Variants in N4BP2L2 observed in about 807,000 individuals in gnomAD.
N4BP2L2 encodes NEDD4 binding protein 2 like 2.
In N4BP2L2, 50 loss-of-function variants were observed where a neutral mutation model predicts 56.2. The observed-to-expected ratio is 0.89, with a 90% CI of 0.71 to 1.13. The LOEUF is 1.13. Among genes scored for constraint, N4BP2L2 ranks in the 50% most tolerant of loss-of-function variants. The pLI, the probability that N4BP2L2 is intolerant of heterozygous loss-of-function variation, is 0.00. For synonymous variants in N4BP2L2, 203 were observed against 223.6 expected (o/e 0.91, Z 0.82); for missense variants, 689 against 693.8 (o/e 0.99, Z 0.08).
intron 6 of N4BP2L2, among the ~76,000 whole-genome samples, chr13:32,497,304 T>G (rs374315130): frequency 6.6e-6 from 1 of 152,214 alleles, no homozygotes; most frequent in African/African-American, 2.4e-5. Flanking sequence ...GGTACTCTCA[T>G]GTACTAACTG....
At chr13:32,450,564 T>C (rs1364802053) in intron 6 of N4BP2L2, among the ~76,000 whole-genome samples, 1 of 152,046 alleles carries the variant, frequency 6.6e-6, no homozygotes, top group East Asian at 1.9e-4. Flanking sequence ...GACCTTGTGA[T>C]CTGCCCGCCT....
exon 2 of N4BP2L2, chr13:32,536,690 T>C (rs1223797884): frequency 6.2e-7 from 1 of 1,614,172 alleles, no homozygotes; most frequent in Admixed American, 1.7e-5. Flanking sequence ...TATCTCATCG[T>C]CTGCGGATAC....
exon 7 of N4BP2L2, chr13:32,443,711 G>T: frequency 6.3e-7 from 1 of 1,590,740 alleles, no homozygotes; most frequent in Non-Finnish European, 8.5e-7. Context: ...GTCAGTATTG[G>T]ACAAGTAACG....
At chr13:32,492,688 T>C (rs1169810695) in intron 6 of N4BP2L2, among the ~76,000 whole-genome samples, 1 of 152,134 alleles carries the variant, frequency 6.6e-6, no homozygotes, top group Non-Finnish European at 1.5e-5. Flanking sequence ...ACAGTCACAG[T>C]TGTTGTTTTA....
intron 1 of N4BP2L2, 106 bp downstream of exon 1, chr13:32,538,512 G>A (rs1338808348): frequency 1.5e-6 from 1 of 661,792 alleles, no homozygotes; most frequent in Non-Finnish European, 1.9e-6. Context: ...AGTTCACACA[G>A]AGCTTACGTC....
At chr13:32,459,249 C>T (rs993538552) in intron 6 of N4BP2L2, among the ~76,000 whole-genome samples, 1 of 151,654 alleles carries the variant, frequency 6.6e-6, no homozygotes, top group Non-Finnish European at 1.5e-5. Flanking sequence ...CAAAAACAGC[C>T]AACCCCAAAT....
At chr13:32,444,784 CA>C (rs1250569750) in intron 6 of N4BP2L2, among the ~76,000 whole-genome samples, 1 of 152,124 alleles carries the variant, frequency 6.6e-6, no homozygotes, top group African/African-American at 2.4e-5. Flanking sequence ...GCAATTTCAT[CA>C]CTGTGTTAAC....
exon 3 of N4BP2L2, chr13:32,527,525 G>C: frequency 6.2e-7 from 1 of 1,611,460 alleles, no homozygotes; most frequent in Non-Finnish European, 8.5e-7. Context: ...TTCTGACCAA[G>C]CAGAATTCTG....
At chr13:32,442,891 A>C in exon 7 of N4BP2L2, 1 of 1,613,010 alleles carries the variant, frequency 6.2e-7, no homozygotes, top group East Asian at 2.2e-5. Flanking sequence ...ATCAAAGGTC[A>C]TAAGTTTTTG....
downstream of N4BP2L2, chr13:32,508,404 T>C (rs562281068): frequency 6.6e-6 from 1 of 152,194 alleles, no homozygotes; most frequent in African/African-American, 2.4e-5. Flanking sequence ...AAGGAATAAT[T>C]GACAATGTAT....
At chr13:32,530,245 A>C (rs1362095573) in intron 2 of N4BP2L2, among the ~76,000 whole-genome samples, 1 of 152,140 alleles carries the variant, frequency 6.6e-6, no homozygotes, top group Non-Finnish European at 1.5e-5. Flanking sequence ...ACTTGAAAAG[A>C]CTTTTCCTCC....
intron 7 of N4BP2L2, among the ~76,000 whole-genome samples, chr13:32,440,924 C>T (rs1271665822): frequency 7.0e-6 from 1 of 142,152 alleles, no homozygotes; most frequent in Non-Finnish European, 1.5e-5. Flanking sequence ...GATCTCGGCT[C>T]ACTGCGACCT....
chr13:32,503,371 G>A (rs1001453339), intron 6 of N4BP2L2, among the ~76,000 whole-genome samples: 5 of 151,952 alleles, frequency 3.3e-5, no homozygotes, highest in Admixed American at 1.3e-4. Context: ...TTAATACTGA[G>A]CTAGACCCTA....
chr13:32,501,874 T>A lies in N4BP2L2; in HGVS notation c.365+15983A>T, dbSNP rs972132666. Reference sequence around the variant, plus strand: ...AAAAGGAAATATCAACATAATTAGATCATACCAACAGTCTATGCAACATAG... The same window carrying A: ...AAAAGGAAATATCAACATAATTAGAACATACCAACAGTCTATGCAACATAG... On this transcript the variant is annotated intron_variant, in intron 6 of 9. Transcript: ENST00000357505. Among the ~76,000 whole-genome samples, 3 of 151,638 alleles carry A rather than the reference T, an allele frequency of 2.0e-5. No homozygotes were observed. In the East Asian group the frequency reaches 5.8e-4, roughly 29 times the overall value.
chr13:32,450,328 ATT>A (rs1255359138), intron 6 of N4BP2L2, among the ~76,000 whole-genome samples: 4 of 144,792 alleles, frequency 2.8e-5, no homozygotes, highest in Admixed American at 1.4e-4. Context: ...ATAAAAAGTG[ATT>A]TTTTTTTTTT....
intron 5 of N4BP2L2, among the ~76,000 whole-genome samples, chr13:32,519,177 C>A (rs2050074586): frequency 6.6e-6 from 1 of 151,410 alleles, no homozygotes; most frequent in Admixed American, 6.6e-5. Flanking sequence ...AGTGCTGAGG[C>A]CAGCGGAATG....
At chr13:32,469,655 C>T (rs969435093) in intron 6 of N4BP2L2, among the ~76,000 whole-genome samples, 4 of 152,218 alleles carry the variant, frequency 2.6e-5, no homozygotes, top group African/African-American at 4.8e-5. Flanking sequence ...CCTGATATTC[C>T]GTCTCTGAGA....
chr13:32,525,071 A>C (rs2052302080), intron 3 of N4BP2L2: 1 of 152,180 alleles, frequency 6.6e-6, no homozygotes, highest in African/African-American at 2.4e-5. Context: ...CTATGCCAGT[A>C]CTGCAAAGAG....
chr13:32,495,230 A>G (rs1276960451), intron 6 of N4BP2L2, among the ~76,000 whole-genome samples: 1 of 152,164 alleles, frequency 6.6e-6, no homozygotes, highest in Non-Finnish European at 1.5e-5. Context: ...AGTTTGTTAA[A>G]ATACTGAAAT....
Sources: gnomAD v4.1 joint callset for allele counts (sites outside exome capture counted in the v4.1 genomes callset) on GRCh38, gnomAD v4.1.1 for gene constraint, MANE v1.5 for transcripts, NCBI Gene and HGNC (gene_info 2026-07-23, HGNC 2026-07-21) for gene names.